The following ELOVL6 variants were observed in gnomAD, a reference collection of about 807,000 sequenced individuals.
The protein encoded by ELOVL6 is ELOVL fatty acid elongase 6, also known as very long chain fatty acid elongase 6.
A neutral mutation model predicts 31.7 loss-of-function variants in ELOVL6; 8 were observed. The observed-to-expected ratio is 0.25, with a 90% CI of 0.15 to 0.45. The LOEUF is 0.45. ELOVL6 is among the 20% of genes least tolerant of loss of function. The probability of loss-of-function intolerance (pLI) is 1.00; values close to 1 mark genes in which losing one functional copy is unlikely to be tolerated. For missense variants in ELOVL6, 126 were observed against 326.4 expected (o/e 0.39, Z 4.73); for synonymous variants, 101 against 117.7 (o/e 0.86, Z 0.92).
At chr4:110,158,654 TA>T (rs1171695923) in intron 1 of ELOVL6, among the ~76,000 whole-genome samples, 72 of 89,604 alleles carry the variant, frequency 8.0e-4, no homozygotes, top group African/African-American at 3.2e-3. Flanking sequence ...TATATATATA[TA>T]TATTTTTTTT....
chr4:110,174,865 C>T (rs554085806), intron 1 of ELOVL6, among the ~76,000 whole-genome samples: 8 of 152,112 alleles, frequency 5.3e-5, no homozygotes, highest in African/African-American at 1.7e-4. Context: ...AATGAACAAC[C>T]TAATTATTCT....
chr4:110,125,838 AAT>A (rs1757475950), intron 1 of ELOVL6, among the ~76,000 whole-genome samples: 1 of 151,760 alleles, frequency 6.6e-6, no homozygotes, highest in African/African-American at 2.4e-5. Context: ...AAAAAAAAAA[AAT>A]AGAGATTTGG....
At chr4:110,102,456 G>C (rs1380269427) in intron 2 of ELOVL6, among the ~76,000 whole-genome samples, 2 of 152,046 alleles carry the variant, frequency 1.3e-5, no homozygotes, top group African/African-American at 4.8e-5. Flanking sequence ...GATTGTTTGT[G>C]ACTAGCTAGG....
At position 110,101,800 on chromosome 4, in the gene ELOVL6, A is replaced by G. The variant is rs1756749649; in HGVS notation, c.221+3697T>C. ...GGTGACCCTCCCACCTCAGCCTCCC[A>G]GGTAGCTGGGACTACAGGTGCGTGA... is the stretch of plus-strand genomic sequence containing the variant. On this transcript the variant is annotated intron_variant, in intron 2 of 3. Transcript: ENST00000302274. 4.6e-5 allele frequency among the ~76,000 whole-genome samples: 7 copies of G among 152,036 alleles called. 1 individual carries two copies. Among genetic ancestry groups the G allele is most frequent in the Admixed American group, 3.9e-4 (6 of 15,268 alleles).
At chr4:110,133,598 G>A (rs1474835205) in intron 1 of ELOVL6, among the ~76,000 whole-genome samples, 1 of 152,126 alleles carries the variant, frequency 6.6e-6, no homozygotes, top group Non-Finnish European at 1.5e-5. Flanking sequence ...AAAAAGGGAA[G>A]AAAAGGCATG....
At chr4:110,153,812 C>A (rs1758343881) in intron 1 of ELOVL6, among the ~76,000 whole-genome samples, 1 of 152,182 alleles carries the variant, frequency 6.6e-6, no homozygotes. Context: ...CAGTGTCATT[C>A]CTGAAATAAC....
At position 110,061,930 on chromosome 4, in the gene ELOVL6, C is replaced by A. The variant is rs137898041; in HGVS notation, c.222-2176G>T. Among the ~76,000 whole-genome samples, 425 of 152,242 alleles carry A rather than the reference C, an allele frequency of 2.8e-3. 1 individual carries two copies. The highest frequency in any genetic ancestry group is 1.0e-2 in the African/African-American group (415 of 41,518). ...AATGTATGCTTGAAATGGTTGCTATCCTTTCATCCTTTTGGGTCTCAAAAA... is the reference window on the plus strand; with the variant it reads ...AATGTATGCTTGAAATGGTTGCTATACTTTCATCCTTTTGGGTCTCAAAAA... On this transcript the variant is annotated intron_variant, in intron 2 of 3. Coordinates refer to ENST00000302274, the MANE Select transcript of ELOVL6 (RefSeq NM_024090.3).
chr4:110,085,789 C>A (rs1756246947), intron 2 of ELOVL6, among the ~76,000 whole-genome samples: 1 of 152,188 alleles, frequency 6.6e-6, no homozygotes, highest in African/African-American at 2.4e-5. Flanking sequence ...TCTTGGCTCA[C>A]TGCAGCCTCA....
At chr4:110,101,164 C>T (rs969388967) in intron 2 of ELOVL6, among the ~76,000 whole-genome samples, 2 of 152,084 alleles carry the variant, frequency 1.3e-5, no homozygotes, top group African/African-American at 2.4e-5. Flanking sequence ...CTCAGCCTCC[C>T]GAGTAGCTAG....
chr4:110,059,863 A>C (rs1755091602), intron 2 of ELOVL6, 109 bp from the exon 3 acceptor site: 1 of 886,546 alleles, frequency 1.1e-6, no homozygotes, highest in Admixed American at 2.7e-5. Flanking sequence ...AGGCATAAGA[A>C]TCATATTATT....
chr4:110,060,021 G>A (rs1015302109), intron 2 of ELOVL6: 1 of 304,954 alleles, frequency 3.3e-6, no homozygotes, highest in Admixed American at 4.9e-5. Context: ...CAGATTCAGA[G>A]CAGGATCTCA....
chr4:110,176,037 T>TAAAAAAAAAA (rs35412689), intron 1 of ELOVL6, among the ~76,000 whole-genome samples: 1 of 143,790 alleles, frequency 7.0e-6, no homozygotes, highest in Non-Finnish European at 1.5e-5. Context: ...AGTGGTGAGT[T>TAAAAAAAAAA]AAAAAAAAAA....
At chr4:110,142,612 A>C (rs1319611985) in intron 1 of ELOVL6, among the ~76,000 whole-genome samples, 1 of 152,232 alleles carries the variant, frequency 6.6e-6, no homozygotes. Context: ...CTCCAATAGT[A>C]AGAATGAACT....
At chr4:110,187,695 TAAA>T (rs138104384) in intron 1 of ELOVL6, among the ~76,000 whole-genome samples, 4 of 130,104 alleles carry the variant, frequency 3.1e-5, no homozygotes, top group Admixed American at 8.0e-5. Flanking sequence ...AAACTCCATC[TAAA>T]AAAAAAAAAA....
At chr4:110,079,352 T>G (rs1165729134) in intron 2 of ELOVL6, among the ~76,000 whole-genome samples, 2 of 152,170 alleles carry the variant, frequency 1.3e-5, no homozygotes, top group Non-Finnish European at 2.9e-5. Flanking sequence ...AAAGCTCTCC[T>G]CAGCAAATGG....
At chr4:110,120,041 G>A (rs573151440) in intron 1 of ELOVL6, among the ~76,000 whole-genome samples, 41 of 152,324 alleles carry the variant, frequency 2.7e-4, no homozygotes, top group African/African-American at 9.6e-4. Flanking sequence ...AGGGAGAGAA[G>A]AGTGTGTATG....
intron 2 of ELOVL6, among the ~76,000 whole-genome samples, chr4:110,080,967 A>G (rs1179670010): frequency 6.6e-6 from 1 of 152,164 alleles, no homozygotes; most frequent in African/African-American, 2.4e-5. Context: ...CAGAGAGCCA[A>G]ATCATGAGTG....
At chr4:110,084,551 C>CAGATATATATTTATAT (rs1163599448) in intron 2 of ELOVL6, among the ~76,000 whole-genome samples, 89 of 64,672 alleles carry the variant, frequency 1.4e-3, no homozygotes, top group Admixed American at 1.7e-3. Flanking sequence ...CACACACACA[C>CAGATATATATTTATAT]ACACACACAC....
chr4:110,128,861 G>C (rs1171125402), intron 1 of ELOVL6, among the ~76,000 whole-genome samples: 2 of 152,190 alleles, frequency 1.3e-5, no homozygotes, highest in Non-Finnish European at 1.5e-5. Context: ...CAACAAGACA[G>C]AACTTGTAAA....
Sources: gnomAD v4.1 joint callset for allele counts (sites outside exome capture counted in the v4.1 genomes callset) on GRCh38, gnomAD v4.1.1 for gene constraint, MANE v1.5 for transcripts, NCBI Gene and HGNC (gene_info 2026-07-23, HGNC 2026-07-21) for gene names.